The following TRRAP variants were observed in gnomAD, a reference collection of about 807,000 sequenced individuals.
The protein encoded by TRRAP is transformation/transcription domain-associated protein.
TRRAP carries 41 observed loss-of-function variants against 438.8 expected under a neutral mutation model. That is an observed-to-expected ratio of 0.09 (90% confidence interval 0.07 to 0.12). The LOEUF is 0.12. Ranked by LOEUF, TRRAP falls within the 10% of genes least tolerant of loss-of-function variation. The pLI is 1.00. For missense variants in TRRAP, 3,122 were observed against 5,055.1 expected (o/e 0.62, Z 11.60); for synonymous variants, 1,994 against 1,962.9 (o/e 1.02, Z -0.42).
intron 67 of TRRAP, among the ~76,000 whole-genome samples, chr7:98,998,045 T>C (rs1465484188): frequency 6.6e-6 from 1 of 152,164 alleles, no homozygotes; most frequent in Non-Finnish European, 1.5e-5. Context: ...GGCAGAAACC[T>C]AGGCTGGAAG....
chr7:98,915,900 G>A lies in TRRAP; in HGVS notation c.2365+12G>A, dbSNP rs1481896998. The A allele has an allele frequency of 2.5e-6, 4 of 1,613,782 alleles. No homozygotes were observed. In the African/African-American group the frequency reaches 4.0e-5, roughly 16 times the overall value. The stretch of plus-strand genomic sequence containing the variant: ...AAACCTCCTGCAAGGTCAGAGCAGT[G>A]ACTTTGGTTGCCTTTTAGTCTTGTG... On this transcript the variant is annotated intron_variant, in intron 19 of 72. Transcript: ENST00000456197.
chr7:98,889,064 T>C (rs868966687), intron 3 of TRRAP, among the ~76,000 whole-genome samples: 8 of 150,290 alleles, frequency 5.3e-5, no homozygotes, highest in African/African-American at 2.0e-4. Context: ...TTTTTTTTTT[T>C]TTGATATGAG....
chr7:98,903,269 A>T (rs1404621292), intron 11 of TRRAP, 110 bp from the exon 12 acceptor site: 1 of 1,403,362 alleles, frequency 7.1e-7, no homozygotes, highest in African/African-American at 1.4e-5. Flanking sequence ...TGACCCACCC[A>T]CCTCGGCCTC....
At chr7:98,942,288 A>G (rs548088848) in intron 30 of TRRAP, among the ~76,000 whole-genome samples, 1 of 152,232 alleles carries the variant, frequency 6.6e-6, no homozygotes, top group East Asian at 1.9e-4. Flanking sequence ...GTCCACATCT[A>G]TCTCACCAGC....
chr7:98,913,957 G>T (rs1789402320), intron 18 of TRRAP, among the ~76,000 whole-genome samples: 1 of 152,220 alleles, frequency 6.6e-6, no homozygotes, highest in East Asian at 1.9e-4. Context: ...AAAATCTGAA[G>T]ATGTAAATAA....
chr7:98,999,200 C>T, intron 67 of TRRAP: 1 of 1,410,208 alleles, frequency 7.1e-7, no homozygotes. Flanking sequence ...TTCAGATAGG[C>T]TTTGCAGTAC....
intron 23 of TRRAP, among the ~76,000 whole-genome samples, chr7:98,929,643 G>A (rs1301436673): frequency 4.6e-5 from 7 of 151,168 alleles, no homozygotes; most frequent in Non-Finnish European, 7.4e-5. Flanking sequence ...CACTCTGGCG[G>A]CCAGGCTGGA....
chr7:98,950,951 C>T lies in TRRAP; in HGVS notation c.5410C>T (p.Pro1804Ser), dbSNP rs1429079163. ...GGAAGGAGAGCAGCTCTTGGGACCT[C>T]CCAATCCAGAAGGAGATAACCCAGA... ...KGEGEQLLGP[P>S]NPEGDNPESI... The change falls in exon 39 of 73, where the codon CCC becomes TCC. Residue 1804 changes from proline to serine, a missense_variant. Pro to Ser is a moderately conservative substitution (Grantham distance 74, BLOSUM62 -1). Transcript: ENST00000456197. 2 of 1,610,656 alleles carry T rather than the reference C, an allele frequency of 1.2e-6. No individual in the cohort carries two copies. The highest frequency in any genetic ancestry group is 1.3e-5 in the African/African-American group (1 of 74,676).
At chr7:98,911,021 A>G in intron 16 of TRRAP, 56 bp from the exon 17 acceptor site, 1 of 1,497,228 alleles carries the variant, frequency 6.7e-7, no homozygotes, top group Non-Finnish European at 9.1e-7. Flanking sequence ...ATAATGGAAC[A>G]TATTCAGAGA....
chr7:99,004,072 T>C, intron 67 of TRRAP, 118 bp from the exon 68 acceptor site: 1 of 1,068,024 alleles, frequency 9.4e-7, no homozygotes, highest in Non-Finnish European at 1.4e-6. Context: ...AAACTTCATC[T>C]CAAAACAAAC....
chr7:98,930,602 C>T (rs376927229), intron 24 of TRRAP, 31 bp from the exon 25 acceptor site: 118 of 1,609,504 alleles, frequency 7.3e-5, no homozygotes, highest in African/African-American at 2.0e-4. Flanking sequence ...ATTGCAGTAA[C>T]GTGTTGTGGT....
Position 98,908,031 on chromosome 7 carries a change from A to C in TRRAP, c.1116-697A>C, listed in dbSNP as rs897497865. Among the ~76,000 whole-genome samples the C allele has an allele frequency of 7.2e-5, 11 of 152,038 alleles. No individual in the cohort carries two copies. Among genetic ancestry groups the C allele is most frequent in the African/African-American group, 1.9e-4 (8 of 41,380 alleles). On this transcript the variant is annotated intron_variant, in intron 13 of 72. Coordinates refer to ENST00000456197, the MANE Select transcript of TRRAP (RefSeq NM_001375524.1). The surrounding 1 kb of genome is among the most constrained non-coding windows in gnomAD (Gnocchi z 4.1). ...TTCTTCCATCTGGAAATTTCCCTGG[A>C]TTTTTGCCTTATGGCCCCTTTTTGT... is the stretch of plus-strand genomic sequence containing the variant.
chr7:98,987,943 T>C (rs1168625398), intron 62 of TRRAP, among the ~76,000 whole-genome samples: 2 of 152,240 alleles, frequency 1.3e-5, no homozygotes, highest in Non-Finnish European at 2.9e-5. Context: ...TTGTGTTTTT[T>C]TTCCTTCATT....
chr7:98,897,942 T>C (rs1351769516), intron 8 of TRRAP, 76 bp downstream of exon 8: 21 of 1,594,226 alleles, frequency 1.3e-5, no homozygotes, highest in Non-Finnish European at 1.4e-5. Flanking sequence ...CATTTTTTTT[T>C]CTCTTAAATA....
chr7:98,994,986 CAG>C lies in TRRAP; in HGVS notation c.10309+140_10309+141del. ...CACTGGTTACACTCTGTTTACAGTGCAGACTTCAGAGTGCATAGCTGAGACCA... is the reference window on the plus strand; with the variant it reads ...CACTGGTTACACTCTGTTTACAGTGCACTTCAGAGTGCATAGCTGAGACCA... On this transcript the variant is annotated intron_variant, in intron 67 of 72. Transcript: ENST00000456197. This position sits in a 1 kb window ranked among gnomAD's most constrained non-coding sequence, Gnocchi z 4.8. The C allele has an allele frequency of 2.3e-6, 3 of 1,283,524 alleles. No individual in the cohort carries two copies. Among genetic ancestry groups the C allele is most frequent in the Non-Finnish European group, 3.2e-6 (3 of 941,686 alleles). 79.5% of individuals were successfully genotyped at this position (1,283,524 alleles called of 1,614,324 possible).
intron 20 of TRRAP, among the ~76,000 whole-genome samples, chr7:98,920,715 A>G (rs1162297817): frequency 6.6e-6 from 1 of 152,210 alleles, no homozygotes; most frequent in African/African-American, 2.4e-5. Flanking sequence ...GAAGTGTATG[A>G]GACAATTTAT....
chr7:98,994,480 C>T lies in TRRAP; in HGVS notation c.10048-107C>T. The T allele has an allele frequency of 6.6e-7, 1 of 1,504,504 alleles. No individual in the cohort carries two copies. The highest frequency in any genetic ancestry group is 9.1e-7 in the Non-Finnish European group (1 of 1,103,976). 93.2% of individuals were successfully genotyped at this position (1,504,504 alleles called of 1,614,324 possible). On this transcript the variant is annotated intron_variant, in intron 66 of 72. Transcript: ENST00000456197. This position sits in a 1 kb window ranked among gnomAD's most constrained non-coding sequence, Gnocchi z 4.8. ...TGTGTGTGGGTCCTGCCGGGGAGTG[C>T]AGAGATGACCCTGGGCTGGGAGGGC...
At chr7:98,933,987 G>C (rs1451652366) in intron 27 of TRRAP, among the ~76,000 whole-genome samples, 2 of 152,196 alleles carry the variant, frequency 1.3e-5, no homozygotes, top group Non-Finnish European at 2.9e-5. Context: ...CCTAATCACT[G>C]CACTGTCCAG....
At chr7:98,885,714 C>G (rs1383178993) in intron 3 of TRRAP, among the ~76,000 whole-genome samples, 1 of 152,008 alleles carries the variant, frequency 6.6e-6, no homozygotes, top group African/African-American at 2.4e-5. Flanking sequence ...AGAGTATACC[C>G]TGCATTCTGC....
Sources: allele counts gnomAD v4.1 joint callset (sites outside exome capture counted in the v4.1 genomes callset), GRCh38; gene constraint gnomAD v4.1.1; non-coding constraint Gnocchi (gnomAD v3.1); transcripts MANE v1.5; gene names NCBI Gene and HGNC (gene_info 2026-07-23, HGNC 2026-07-21).